SLCO6A1: variants seen among roughly 807,000 people sequenced by gnomAD.
SLCO6A1 encodes the protein cancer/testis antigen 48.
A neutral mutation model predicts 72.7 loss-of-function variants in SLCO6A1; 65 were observed. That is an observed-to-expected ratio of 0.89 (90% confidence interval 0.73 to 1.10). SLCO6A1 has a LOEUF of 1.10. Among genes scored for constraint, SLCO6A1 ranks in the 50% least tolerant of loss-of-function variants. The pLI is 0.00. For missense variants in SLCO6A1, 874 were observed against 872.6 expected, an observed-to-expected ratio of 1.00 and a Z score of -0.02; for synonymous variants, 314 against 298.2, an observed-to-expected ratio of 1.05 and a Z score of -0.55.
intron 7 of SLCO6A1, among the ~76,000 whole-genome samples, chr5:102,426,635 T>C (rs1239280889): frequency 2.6e-5 from 4 of 152,030 alleles, no homozygotes; most frequent in Non-Finnish European, 4.4e-5. Context: ...GCTGGCAAGA[T>C]TGTGGAGAAA....
intron 9 of SLCO6A1, among the ~76,000 whole-genome samples, chr5:102,412,446 T>C (rs939734793): frequency 5.9e-5 from 9 of 152,060 alleles, no homozygotes; most frequent in Admixed American, 3.9e-4. Flanking sequence ...ATAAGCTCTT[T>C]GTATTGTGGC....
At chr5:102,468,328 G>T (rs1233513804) in intron 4 of SLCO6A1, among the ~76,000 whole-genome samples, 1 of 152,044 alleles carries the variant, frequency 6.6e-6, no homozygotes, top group Non-Finnish European at 1.5e-5. Flanking sequence ...AGAATGTTCT[G>T]TAAATATCTG....
intron 8 of SLCO6A1, among the ~76,000 whole-genome samples, chr5:102,416,809 C>T (rs930133563): frequency 5.3e-5 from 8 of 152,116 alleles, no homozygotes; most frequent in South Asian, 4.1e-4. Context: ...CCATTACATG[C>T]GTGCATGAAT....
chr5:102,385,192 T>G (rs1285802159), intron 12 of SLCO6A1, among the ~76,000 whole-genome samples: 1 of 152,196 alleles, frequency 6.6e-6, no homozygotes, highest in African/African-American at 2.4e-5. Flanking sequence ...GAGGTTCCCC[T>G]ATAGTGATGA....
chr5:102,408,795 CA>C (rs1374523622), intron 9 of SLCO6A1, among the ~76,000 whole-genome samples: 5 of 152,010 alleles, frequency 3.3e-5, no homozygotes, highest in Admixed American at 6.6e-5. Flanking sequence ...TCATTTAAAA[CA>C]TATAAAAATA....
chr5:102,436,998 TAGA>T (rs757652829), intron 7 of SLCO6A1, among the ~76,000 whole-genome samples: 5 of 152,194 alleles, frequency 3.3e-5, no homozygotes, highest in African/African-American at 4.8e-5. Context: ...ACATAGCTCT[TAGA>T]AGATTAGAAA....
rs945316103 is a variant in SLCO6A1 at position 102,438,096 on chromosome 5, A to G, written c.1276+521T>C. Among the ~76,000 whole-genome samples, 64 of 152,200 alleles carry G rather than the reference A, an allele frequency of 4.2e-4. 1 individual carries two copies. The highest frequency in any genetic ancestry group is 6.2e-4 in the South Asian group (3 of 4,826). On this transcript the variant is annotated intron_variant, in intron 7 of 13. Coordinates refer to ENST00000506729, the MANE Select transcript of SLCO6A1 (RefSeq NM_173488.5). ...CATTACTACGCTGGTTGGAAGAGAG[A>G]AAAAGTGGGAGGCAACAACATATCC...
intron 4 of SLCO6A1, among the ~76,000 whole-genome samples, chr5:102,462,191 A>T (rs952725230): frequency 1.3e-5 from 2 of 152,298 alleles, no homozygotes; most frequent in Non-Finnish European, 2.9e-5. Flanking sequence ...GAGGTGAAAG[A>T]CCTCTACCAG....
intron 11 of SLCO6A1, 54 bp from the exon 12 acceptor site, chr5:102,388,879 C>T (rs192678553): frequency 1.3e-6 from 2 of 1,487,612 alleles, no homozygotes; most frequent in Admixed American, 2.2e-5. Context: ...TTCTCTTAAA[C>T]ATGTAATGCA....
chr5:102,465,062 A>G (rs1580476536), intron 4 of SLCO6A1, among the ~76,000 whole-genome samples: 1 of 152,300 alleles, frequency 6.6e-6, no homozygotes, highest in South Asian at 2.1e-4. Context: ...TAGCTATTAT[A>G]CAATTATTGG....
rs565408868 is a variant in SLCO6A1, at chr5:102,379,087, T to C, written c.2018-5593A>G. 1.5e-4 allele frequency among the ~76,000 whole-genome samples: 23 copies of C among 152,188 alleles called. No homozygotes were observed. The South Asian group carries it at 4.1e-3, about 27-fold the overall frequency. ...TGAGCAACTGCACCCAGTCCTTCAA[T>C]TGTTTTTGGGTATTTGATATCTACT... On this transcript the variant is annotated intron_variant, in intron 12 of 13. Coordinates refer to ENST00000506729, the MANE Select transcript of SLCO6A1 (RefSeq NM_173488.5).
intron 10 of SLCO6A1, among the ~76,000 whole-genome samples, chr5:102,397,372 A>C (rs1034716568): frequency 1.3e-4 from 20 of 152,112 alleles, no homozygotes; most frequent in African/African-American, 4.6e-4. Flanking sequence ...GATATAGTAG[A>C]CTTAAATATG....
At chr5:102,399,434 T>A in intron 10 of SLCO6A1, 121 bp downstream of exon 10, 1 of 605,636 alleles carries the variant, frequency 1.7e-6, no homozygotes, top group Non-Finnish European at 2.5e-6. Flanking sequence ...TAACAACTTT[T>A]CCTCTGCATT....
intron 8 of SLCO6A1, 130 bp from the exon 9 acceptor site, chr5:102,413,273 G>C (rs1410604970): frequency 3.6e-6 from 3 of 842,128 alleles, no homozygotes; most frequent in Non-Finnish European, 3.5e-6. Flanking sequence ...GCTTTACTGA[G>C]GTCTGAGGTA....
intron 1 of SLCO6A1, among the ~76,000 whole-genome samples, chr5:102,489,716 C>T (rs1013073019): frequency 6.6e-6 from 1 of 152,042 alleles, no homozygotes; most frequent in Non-Finnish European, 1.5e-5. Flanking sequence ...AATAGAACTA[C>T]CAAATGATCC....
intron 9 of SLCO6A1, among the ~76,000 whole-genome samples, chr5:102,404,370 C>G (rs1288684220): frequency 1.3e-5 from 2 of 152,134 alleles, no homozygotes; most frequent in Admixed American, 6.5e-5. Flanking sequence ...TGACAGGCAC[C>G]TGTAGTCCCA....
chr5:102,431,142 C>G (rs1361339618), intron 7 of SLCO6A1, among the ~76,000 whole-genome samples: 1 of 151,716 alleles, frequency 6.6e-6, no homozygotes, highest in Non-Finnish European at 1.5e-5. Flanking sequence ...GTGGTAATAT[C>G]CTCCTTATCA....
At chr5:102,489,553 C>A (rs914541146) in intron 1 of SLCO6A1, among the ~76,000 whole-genome samples, 1 of 151,808 alleles carries the variant, frequency 6.6e-6, no homozygotes, top group Non-Finnish European at 1.5e-5. Context: ...AAATCAAAAT[C>A]ATAAGATATC....
chr5:102,440,696 C>G (rs56028821), intron 6 of SLCO6A1, among the ~76,000 whole-genome samples: 28,482 of 152,026 alleles, frequency 0.19, 3,526 homozygotes, highest in Non-Finnish European at 0.24. Flanking sequence ...CAAGCCCTGT[C>G]CAAATTGCAT....
Sources: gnomAD v4.1 joint callset for allele counts (sites outside exome capture counted in the v4.1 genomes callset) on GRCh38, gnomAD v4.1.1 for gene constraint, MANE v1.5 for transcripts, NCBI Gene and HGNC (gene_info 2026-07-23, HGNC 2026-07-21) for gene names.